Variants in CNBD1 observed in about 807,000 individuals in gnomAD.
The protein encoded by CNBD1 is cyclic nucleotide-binding domain-containing protein 1.
A neutral mutation model predicts 54.4 loss-of-function variants in CNBD1; 71 were observed. That is an observed-to-expected ratio of 1.30 (90% CI 1.08 to 1.59). The LOEUF (loss-of-function observed/expected upper bound fraction) is 1.59, where lower values mean the gene tolerates loss of function less well. Ranked by LOEUF, CNBD1 falls within the 40% of genes most tolerant of loss-of-function variation. The probability of loss-of-function intolerance (pLI) is 0.00; values close to 1 mark genes in which losing one functional copy is unlikely to be tolerated. For synonymous variants in CNBD1, 182 were observed against 170.7 expected, an observed-to-expected ratio of 1.07 and a Z score of -0.51; for missense variants, 659 against 518.0, an observed-to-expected ratio of 1.27 and a Z score of -2.64.
rs374889225 is a variant in CNBD1, at chr8:87,328,323, T to C, written c.1043-23362T>C. 4.6e-5 allele frequency among the ~76,000 whole-genome samples: 7 copies of C among 152,170 alleles called. No homozygotes were observed. In the East Asian group the frequency reaches 7.7e-4, roughly 17 times the overall value. ...TTTCTGGGCTTTTTATTATGTTTAG[T>C]CTTTTAAATATAATTATTTTGTTTA... On this transcript the variant is annotated intron_variant, in intron 8 of 10. Transcript: ENST00000518476.
intron 4 of CNBD1, among the ~76,000 whole-genome samples, chr8:86,940,754 A>G (rs2336868): frequency 0.021 from 3,198 of 152,314 alleles, 106 homozygotes; most frequent in African/African-American, 0.073. Flanking sequence ...CAAAAGTGTC[A>G]AGACTAGGAA....
intron 8 of CNBD1, among the ~76,000 whole-genome samples, chr8:87,339,278 C>T (rs1292822844): frequency 2.0e-5 from 3 of 152,132 alleles, no homozygotes; most frequent in Admixed American, 6.6e-5. Context: ...AAAATTCGAG[C>T]ATCATAGTAA....
intron 7 of CNBD1, among the ~76,000 whole-genome samples, chr8:87,285,201 G>A (rs10111150): frequency 0.28 from 42,792 of 151,958 alleles, 6,477 homozygotes; most frequent in African/African-American, 0.39. Context: ...CCCAGTCTCT[G>A]TAGTCTACTT....
intron 5 of CNBD1, among the ~76,000 whole-genome samples, chr8:87,223,708 G>T (rs1423811030): frequency 1.3e-5 from 2 of 151,984 alleles, no homozygotes; most frequent in Admixed American, 6.6e-5. Flanking sequence ...ACATACGTGT[G>T]CATGTGTCTT....
intron 5 of CNBD1, among the ~76,000 whole-genome samples, chr8:87,231,045 G>A (rs1814678676): frequency 6.6e-6 from 1 of 152,122 alleles, no homozygotes; most frequent in African/African-American, 2.4e-5. Flanking sequence ...CATTTCATAT[G>A]GCTGAGAGCT....
chr8:87,327,803 C>T (rs917019765), intron 8 of CNBD1, among the ~76,000 whole-genome samples: 44 of 152,282 alleles, frequency 2.9e-4, no homozygotes, highest in Non-Finnish European at 5.7e-4. Context: ...GGAGCTGTTC[C>T]TATTCGGCCA....
At chr8:87,426,192 G>A (rs1003783655) in intron 2 of CNBD1, among the ~76,000 whole-genome samples, 15 of 152,144 alleles carry the variant, frequency 9.9e-5, no homozygotes, top group South Asian at 2.1e-4. Flanking sequence ...CACGGTGCGC[G>A]CACCCACTGA....
At chr8:86,977,801 C>T (rs1476748065) in intron 4 of CNBD1, among the ~76,000 whole-genome samples, 2 of 151,990 alleles carry the variant, frequency 1.3e-5, no homozygotes, top group Admixed American at 1.3e-4. Context: ...CTGAATTTTA[C>T]CAAACATTTG....
intron 1 of CNBD1, among the ~76,000 whole-genome samples, chr8:86,871,932 T>C (rs74535745): frequency 0.016 from 2,466 of 152,338 alleles, 68 homozygotes; most frequent in African/African-American, 0.057. Flanking sequence ...CCAAAGGCAC[T>C]TCTTCCAAGT....
intron 6 of CNBD1, among the ~76,000 whole-genome samples, chr8:87,277,540 TAAG>T (rs1471028135): frequency 1.3e-5 from 2 of 151,824 alleles, no homozygotes; most frequent in East Asian, 3.9e-4. Flanking sequence ...GCTACAAATT[TAAG>T]AAGTAGAACT....
chr8:87,218,801 C>G (rs1209780872), intron 5 of CNBD1, among the ~76,000 whole-genome samples: 1 of 151,874 alleles, frequency 6.6e-6, no homozygotes, highest in Non-Finnish European at 1.5e-5. Flanking sequence ...GCATTACCTC[C>G]TTGAAAATAT....
chr8:87,026,911 C>T (rs1233147496), intron 4 of CNBD1, among the ~76,000 whole-genome samples: 5 of 152,124 alleles, frequency 3.3e-5, no homozygotes, highest in Non-Finnish European at 4.4e-5. Context: ...ACCTTGACAC[C>T]TCAAAATATC....
chr8:87,078,232 G>C (rs1283489573), intron 4 of CNBD1, among the ~76,000 whole-genome samples: 1 of 152,196 alleles, frequency 6.6e-6, no homozygotes, highest in Non-Finnish European at 1.5e-5. Flanking sequence ...GACTAGGTGG[G>C]CTGTCCACTA....
intron 8 of CNBD1, among the ~76,000 whole-genome samples, chr8:87,311,455 C>T (rs529456882): frequency 2.0e-5 from 3 of 152,126 alleles, no homozygotes; most frequent in South Asian, 4.2e-4. Flanking sequence ...ATAACAGATG[C>T]TGGTGAGGCT....
At chr8:86,959,037 A>G (rs1323820296) in intron 4 of CNBD1, among the ~76,000 whole-genome samples, 1 of 152,194 alleles carries the variant, frequency 6.6e-6, no homozygotes, top group Non-Finnish European at 1.5e-5. Context: ...CTTGTAAAGC[A>G]GGCCTGGTGG....
chr8:87,022,070 A>G (rs1226683970), intron 4 of CNBD1, among the ~76,000 whole-genome samples: 1 of 152,046 alleles, frequency 6.6e-6, no homozygotes, highest in Non-Finnish European at 1.5e-5. Context: ...AATGCATCTC[A>G]TGGAATGTCT....
chr8:87,008,970 T>C (rs1448254909), intron 4 of CNBD1, among the ~76,000 whole-genome samples: 1 of 152,124 alleles, frequency 6.6e-6, no homozygotes, highest in Non-Finnish European at 1.5e-5. Flanking sequence ...TTATTTAATA[T>C]AATTATAATT....
At chr8:86,961,445 C>A (rs181719275) in intron 4 of CNBD1, among the ~76,000 whole-genome samples, 51 of 152,234 alleles carry the variant, frequency 3.4e-4, no homozygotes, top group Non-Finnish European at 5.3e-4. Context: ...GCAATGCAAT[C>A]TTACTTTCCT....
intron 2 of CNBD1, among the ~76,000 whole-genome samples, chr8:87,389,641 A>G (rs886099917): frequency 1.3e-5 from 2 of 152,218 alleles, no homozygotes; most frequent in Admixed American, 1.3e-4. Context: ...GCCCATGGGT[A>G]GGAAGAATCA....
Sources: gnomAD v4.1 joint callset for allele counts (sites outside exome capture counted in the v4.1 genomes callset) on GRCh38, gnomAD v4.1.1 for gene constraint, MANE v1.5 for transcripts, NCBI Gene and HGNC (gene_info 2026-07-23, HGNC 2026-07-21) for gene names.